Variants in CACNB2 observed in about 807,000 individuals in gnomAD.
CACNB2 encodes the protein voltage-dependent L-type calcium channel subunit beta-2.
Under a neutral mutation model 73.3 loss-of-function variants are expected in CACNB2, and 42 were observed. That is an observed-to-expected ratio of 0.57 (90% CI 0.45 to 0.74). The LOEUF (loss-of-function observed/expected upper bound fraction) is 0.74, where lower values mean the gene tolerates loss of function less well. Ranked by LOEUF, CACNB2 falls within the 30% of genes least tolerant of loss-of-function variation. CACNB2 has a pLI of 0.00. For missense variants in CACNB2, 940 were observed against 853.0 expected (o/e 1.10, Z -1.27); for synonymous variants, 348 against 310.3 (o/e 1.12, Z -1.28).
At chr10:18,460,002 GA>G (rs1379950221) in intron 3 of CACNB2, among the ~76,000 whole-genome samples, 4 of 151,820 alleles carry the variant, frequency 2.6e-5, no homozygotes, top group African/African-American at 9.7e-5. Context: ...CATCTCAAAA[GA>G]AAAGGAAAAA....
intron 2 of CACNB2, among the ~76,000 whole-genome samples, chr10:18,169,084 CT>C (rs2033058117): frequency 6.6e-6 from 1 of 152,074 alleles, no homozygotes; most frequent in South Asian, 2.1e-4. Flanking sequence ...CTAATAATAG[CT>C]GTAATAGCAT....
At chr10:18,382,895 G>T (rs183911583) in intron 2 of CACNB2, among the ~76,000 whole-genome samples, 1 of 152,198 alleles carries the variant, frequency 6.6e-6, no homozygotes, top group African/African-American at 2.4e-5. Flanking sequence ...ATTCCTTTGG[G>T]TATATACCCA....
intron 2 of CACNB2, among the ~76,000 whole-genome samples, chr10:18,217,313 A>G (rs1183416496): frequency 6.6e-6 from 1 of 152,020 alleles, no homozygotes; most frequent in Non-Finnish European, 1.5e-5. Context: ...GTAAAACCCC[A>G]TCTCTCCTGA....
chr10:18,475,819 G>A (rs1192447063), intron 3 of CACNB2, among the ~76,000 whole-genome samples: 2 of 152,126 alleles, frequency 1.3e-5, no homozygotes, highest in African/African-American at 4.8e-5. Context: ...TTAATATGTG[G>A]GAACTGGGCT....
intron 2 of CACNB2, among the ~76,000 whole-genome samples, chr10:18,296,004 T>G (rs1338007632): frequency 7.7e-6 from 1 of 130,550 alleles, no homozygotes; most frequent in African/African-American, 2.6e-5. Flanking sequence ...GCGTGTTTTT[T>G]TTTTTTTTTT....
chr10:18,217,870 C>T (rs891673187), intron 2 of CACNB2, among the ~76,000 whole-genome samples: 7 of 151,994 alleles, frequency 4.6e-5, no homozygotes, highest in African/African-American at 1.7e-4. Flanking sequence ...TGTCTCCACC[C>T]CAGGAAATGC....
At chr10:18,257,553 C>A (rs1028382203) in intron 2 of CACNB2, among the ~76,000 whole-genome samples, 1 of 152,150 alleles carries the variant, frequency 6.6e-6, no homozygotes, top group Non-Finnish European at 1.5e-5. Context: ...CTGTATGTAA[C>A]CTTCTGTGCT....
intron 2 of CACNB2, among the ~76,000 whole-genome samples, chr10:18,168,807 A>G (rs1235284242): frequency 6.6e-6 from 1 of 152,180 alleles, no homozygotes; most frequent in African/African-American, 2.4e-5. Context: ...AAGCAAATGT[A>G]TTATTTTCCC....
intron 3 of CACNB2, among the ~76,000 whole-genome samples, chr10:18,439,404 T>A (rs1282498097): frequency 6.6e-6 from 1 of 152,138 alleles, no homozygotes; most frequent in African/African-American, 2.4e-5. Flanking sequence ...AGTCCTGGTT[T>A]TAGGTAGATG....
chr10:18,378,595 T>G (rs1441389170), intron 2 of CACNB2, among the ~76,000 whole-genome samples: 1 of 152,072 alleles, frequency 6.6e-6, no homozygotes, highest in East Asian at 1.9e-4. Context: ...CAAATAATTT[T>G]TTGAAATTAT....
chr10:18,430,132 A>T (rs1589328385), intron 3 of CACNB2, among the ~76,000 whole-genome samples: 1 of 2,542 alleles, frequency 3.9e-4, no homozygotes, highest in Non-Finnish European at 7.9e-4. Context: ...AGAAGATGTT[A>T]AAAAAAAAAA....
chr10:18,423,089 G>A (rs538037507), intron 3 of CACNB2, among the ~76,000 whole-genome samples: 2 of 152,290 alleles, frequency 1.3e-5, no homozygotes, highest in South Asian at 2.1e-4. Flanking sequence ...GTGTGTGAAT[G>A]GAATCCTAAA....
chr10:18,325,385 G>C (rs1452623387), intron 2 of CACNB2, among the ~76,000 whole-genome samples: 4 of 151,794 alleles, frequency 2.6e-5, no homozygotes, highest in Non-Finnish European at 5.9e-5. Flanking sequence ...TGTAGAGATA[G>C]TGTCTTGCTA....
At chr10:18,369,992 C>A (rs1177723214) in intron 2 of CACNB2, among the ~76,000 whole-genome samples, 1 of 152,210 alleles carries the variant, frequency 6.6e-6, no homozygotes, top group South Asian at 2.1e-4. Flanking sequence ...GACCTGCCAA[C>A]CTCCCAGTTC....
chr10:18,234,764 G>A (rs1446576775), intron 2 of CACNB2, among the ~76,000 whole-genome samples: 1 of 152,156 alleles, frequency 6.6e-6, no homozygotes, highest in Non-Finnish European at 1.5e-5. Flanking sequence ...TTCAGTTTGG[G>A]ATGCTGAAAA....
intron 6 of CACNB2, among the ~76,000 whole-genome samples, chr10:18,508,340 T>C (rs1339822311): frequency 6.6e-6 from 1 of 152,184 alleles, no homozygotes; most frequent in East Asian, 1.9e-4. Flanking sequence ...ATGTGAAACT[T>C]ATACCTTCCC....
intron 3 of CACNB2, among the ~76,000 whole-genome samples, chr10:18,417,360 C>CTTTTTTTTTTTTTTTTTT (rs34847923): frequency 2.3e-5 from 2 of 87,018 alleles, no homozygotes; most frequent in African/African-American, 1.0e-4. Context: ...GCTAAAAATT[C>CTTTTTTTTTTTTTTTTTT]TTTTTTTTTT....
At position 18,158,334 on chromosome 10, in the gene CACNB2, A is replaced by G. The variant is rs1057105972; in HGVS notation, c.213+7359A>G. On this transcript the variant is annotated intron_variant, in intron 2 of 13. Coordinates refer to ENST00000324631, the MANE Select transcript of CACNB2 (RefSeq NM_201596.3). ...TTGTCATAATTTTAATTTATTACGG[A>G]GAACAAAGTGTTAAACATAACCTCT... is the stretch of plus-strand genomic sequence containing the variant. Among the ~76,000 whole-genome samples the G allele has an allele frequency of 9.2e-5, 14 of 152,318 alleles. No homozygotes were observed. The South Asian group carries it at 2.9e-3, about 32-fold the overall frequency.
intron 2 of CACNB2, among the ~76,000 whole-genome samples, chr10:18,362,302 A>G (rs1401808657): frequency 6.6e-6 from 1 of 152,194 alleles, no homozygotes; most frequent in Non-Finnish European, 1.5e-5. Flanking sequence ...AGTCATGATG[A>G]ATTTTGTTTC....
Sources: allele counts gnomAD v4.1 joint callset (sites outside exome capture counted in the v4.1 genomes callset), GRCh38; gene constraint gnomAD v4.1.1; transcripts MANE v1.5; gene names NCBI Gene and HGNC (gene_info 2026-07-23, HGNC 2026-07-21).